Variants in CLIP2 observed in about 807,000 individuals in gnomAD.
CLIP2 encodes CAP-Gly domain-containing linker protein 2.
A neutral mutation model predicts 111.7 loss-of-function variants in CLIP2; 41 were observed. That is an observed-to-expected ratio of 0.37 (90% CI 0.29 to 0.48). The LOEUF is 0.48. Among genes scored for constraint, CLIP2 ranks in the 20% least tolerant of loss-of-function variants. The probability of loss-of-function intolerance (pLI) is 0.99; values close to 1 mark genes in which losing one functional copy is unlikely to be tolerated. For synonymous variants in CLIP2, 660 were observed against 644.2 expected (o/e 1.02, Z -0.37); for missense variants, 1,160 against 1,422.1 (o/e 0.82, Z 2.96).
At chr7:74,326,232 T>A (rs565550177) in intron 2 of CLIP2, among the ~76,000 whole-genome samples, 1 of 152,178 alleles carries the variant, frequency 6.6e-6, no homozygotes, top group African/African-American at 2.4e-5. Flanking sequence ...AAAGGAAGAC[T>A]CTGTCTCATA....
intron 3 of CLIP2, among the ~76,000 whole-genome samples, chr7:74,351,060 A>G (rs1162281162): frequency 4.2e-5 from 3 of 70,738 alleles, no homozygotes; most frequent in Non-Finnish European, 1.1e-4. Context: ...AAGAGAAGAA[A>G]GAAAGAGAAA....
chr7:74,377,983 G>A (rs991081488), intron 10 of CLIP2, among the ~76,000 whole-genome samples: 3 of 151,940 alleles, frequency 2.0e-5, no homozygotes, highest in Admixed American at 6.6e-5. Flanking sequence ...GCACCACCAC[G>A]CCCAGCTAAT....
intron 7 of CLIP2, among the ~76,000 whole-genome samples, chr7:74,363,518 ACTTTCCTTCTCTC>A (rs1554310167): frequency 6.6e-6 from 1 of 152,166 alleles, no homozygotes; most frequent in African/African-American, 2.4e-5. Flanking sequence ...AAGGAAGCCC[ACTTTCCTTCTCTC>A]CTTTCCTTCC....
At chr7:74,384,225 G>T (rs1584381421) in intron 11 of CLIP2, among the ~76,000 whole-genome samples, 2 of 151,788 alleles carry the variant, frequency 1.3e-5, no homozygotes, top group African/African-American at 4.8e-5. Flanking sequence ...AAACAAAAAA[G>T]AACCTCATTC....
chr7:74,399,560 GA>G (rs1791560784), intron 14 of CLIP2, among the ~76,000 whole-genome samples: 3 of 91,250 alleles, frequency 3.3e-5, no homozygotes, highest in Admixed American at 1.2e-4. Context: ...GGGGGGTGGG[GA>G]CCAAGTCTCA....
chr7:74,353,319 C>T (rs954035578), intron 3 of CLIP2, among the ~76,000 whole-genome samples: 17 of 151,134 alleles, frequency 1.1e-4, no homozygotes, highest in East Asian at 7.8e-4. Flanking sequence ...GGCGCAATCT[C>T]GGCTCACTGC....
intron 1 of CLIP2, among the ~76,000 whole-genome samples, chr7:74,296,738 G>A (rs1030849168): frequency 6.7e-6 from 1 of 149,856 alleles, no homozygotes; most frequent in Non-Finnish European, 1.5e-5. Flanking sequence ...GCAGTAAGCT[G>A]AGATCGCGTC....
At chr7:74,368,751 T>C (rs1311201665) in intron 8 of CLIP2, among the ~76,000 whole-genome samples, 3 of 152,124 alleles carry the variant, frequency 2.0e-5, no homozygotes, top group Admixed American at 1.3e-4. Flanking sequence ...ATTTTTAATG[T>C]TGGAAATTTT....
intron 6 of CLIP2, among the ~76,000 whole-genome samples, chr7:74,358,860 C>T (rs571903144): frequency 3.9e-5 from 6 of 152,244 alleles, no homozygotes; most frequent in Admixed American, 1.3e-4. Context: ...CATAAGCCAT[C>T]GTGCCCCACC....
intron 3 of CLIP2, among the ~76,000 whole-genome samples, chr7:74,341,094 A>G (rs1789648394): frequency 6.6e-6 from 1 of 152,136 alleles, no homozygotes; most frequent in African/African-American, 2.4e-5. Context: ...GGCCCCGTTG[A>G]ATCTTCAAGC....
At chr7:74,317,963 G>A (rs567686248) in intron 2 of CLIP2, among the ~76,000 whole-genome samples, 2 of 152,088 alleles carry the variant, frequency 1.3e-5, no homozygotes, top group South Asian at 2.1e-4. Context: ...AGGCTGAGGC[G>A]GCTGGATCAC....
At position 74,397,618 on chromosome 7, in the gene CLIP2, T is replaced by G. The variant is rs12537907; in HGVS notation, c.2880+385T>G. Among the ~76,000 whole-genome samples, 1,488 of 151,350 alleles carry G rather than the reference T, an allele frequency of 9.8e-3. 9 individuals are homozygous for G. Among genetic ancestry groups the G allele is most frequent in the Middle Eastern group, 0.021 (6 of 284 alleles). On this transcript the variant is annotated intron_variant, in intron 14 of 16. Transcript: ENST00000223398. ...TCAGTCTCAGGAAGGAGACAAGAACTTGAAAGTCTACAGCAAGCCTGGGAT... is the reference window on the plus strand; with the variant it reads ...TCAGTCTCAGGAAGGAGACAAGAACGTGAAAGTCTACAGCAAGCCTGGGAT...
chr7:74,390,195 AAGAAAGAAAGAAAG>A (rs1791252612), intron 13 of CLIP2, among the ~76,000 whole-genome samples: 1 of 138,402 alleles, frequency 7.2e-6, no homozygotes, highest in Non-Finnish European at 1.7e-5. Context: ...GAAAGAAAGA[AAGAAAGAAAGAAAG>A]AAAGAAAGAA....
At chr7:74,327,081 A>T (rs1044415992) in intron 2 of CLIP2, among the ~76,000 whole-genome samples, 1 of 151,990 alleles carries the variant, frequency 6.6e-6, no homozygotes, top group African/African-American at 2.4e-5. Flanking sequence ...CAGCTGCTTC[A>T]GGAAAGTTTG....
At chr7:74,304,201 G>A (rs1260117677) in intron 1 of CLIP2, among the ~76,000 whole-genome samples, 1 of 151,540 alleles carries the variant, frequency 6.6e-6, no homozygotes, top group South Asian at 2.1e-4. Context: ...GTGAGCCACC[G>A]TACCTAGCCT....
At chr7:74,355,725 T>C (rs1355689249) in intron 4 of CLIP2, among the ~76,000 whole-genome samples, 1 of 152,234 alleles carries the variant, frequency 6.6e-6, no homozygotes, top group African/African-American at 2.4e-5. Flanking sequence ...TGCTTTGCCT[T>C]CCTGTTTGCA....
At chr7:74,324,555 C>T (rs1789060917) in intron 2 of CLIP2, among the ~76,000 whole-genome samples, 1 of 152,106 alleles carries the variant, frequency 6.6e-6, no homozygotes, top group African/African-American at 2.4e-5. Context: ...GAGAAAGTGT[C>T]CCTCCGAGAA....
At chr7:74,393,305 G>A (rs896026191) in intron 13 of CLIP2, among the ~76,000 whole-genome samples, 36 of 151,806 alleles carry the variant, frequency 2.4e-4, no homozygotes, top group African/African-American at 8.5e-4. Flanking sequence ...TGGGAGTACA[G>A]GCATGAGCCA....
At chr7:74,308,287 T>C (rs147437098) in intron 1 of CLIP2, among the ~76,000 whole-genome samples, 2 of 152,194 alleles carry the variant, frequency 1.3e-5, no homozygotes, top group Non-Finnish European at 2.9e-5. Flanking sequence ...AGGGACAGGG[T>C]TCTCACGCCT....
Sources: allele counts gnomAD v4.1 joint callset (sites outside exome capture counted in the v4.1 genomes callset), GRCh38; gene constraint gnomAD v4.1.1; transcripts MANE v1.5; gene names NCBI Gene and HGNC (gene_info 2026-07-23, HGNC 2026-07-21).